Variants in PATJ observed in about 807,000 individuals in gnomAD.
PATJ encodes the protein PATJ crumbs cell polarity complex component, also known as inaD-like protein.
A neutral mutation model predicts 224.9 loss-of-function variants in PATJ; 190 were observed. The ratio of observed to expected loss-of-function variants is 0.84; its 90% CI spans 0.75 to 0.95. The LOEUF (loss-of-function observed/expected upper bound fraction) is 0.95, where lower values mean the gene tolerates loss of function less well. Among genes scored for constraint, PATJ ranks in the 40% least tolerant of loss-of-function variants. The pLI is 0.00. For missense variants in PATJ, 2,121 were observed against 2,270.3 expected, an observed-to-expected ratio of 0.93 and a Z score of 1.34; for synonymous variants, 769 against 820.3, an observed-to-expected ratio of 0.94 and a Z score of 1.07.
At chr1:61,760,289 C>T (rs964226173) in intron 1 of PATJ, among the ~76,000 whole-genome samples, 10 of 152,156 alleles carry the variant, frequency 6.6e-5, no homozygotes, top group African/African-American at 1.4e-4. Flanking sequence ...CAATGGCATC[C>T]GTTATTGGTT....
At chr1:61,768,911 AT>A (rs1335559241) in intron 4 of PATJ, among the ~76,000 whole-genome samples, 1 of 152,096 alleles carries the variant, frequency 6.6e-6, no homozygotes, top group Non-Finnish European at 1.5e-5. Flanking sequence ...AAGAAAAAAA[AT>A]AAAATAAAAA....
At chr1:61,885,664 A>G (rs1358363857) in intron 22 of PATJ, among the ~76,000 whole-genome samples, 2 of 152,144 alleles carry the variant, frequency 1.3e-5, no homozygotes, top group Non-Finnish European at 2.9e-5. Context: ...TGACCCAGCC[A>G]TCCCATTACT....
chr1:61,809,589 G>A (rs929533180), intron 14 of PATJ, among the ~76,000 whole-genome samples: 2 of 151,808 alleles, frequency 1.3e-5, no homozygotes, highest in Admixed American at 6.6e-5. Context: ...GTTTCTCCCT[G>A]TTGGTCACGC....
chr1:62,050,499 C>T (rs191355412), intron 30 of PATJ, among the ~76,000 whole-genome samples: 4 of 152,282 alleles, frequency 2.6e-5, no homozygotes, highest in East Asian at 1.9e-4. Flanking sequence ...TGTCATGGGA[C>T]GGTCGTCCAT....
chr1:62,031,516 A>G (rs1649288784), intron 29 of PATJ, among the ~76,000 whole-genome samples: 1 of 152,274 alleles, frequency 6.6e-6, no homozygotes, highest in Non-Finnish European at 1.5e-5. Flanking sequence ...GAGCAGACTT[A>G]GAACCTTGCA....
chr1:61,902,226 GAA>G lies in PATJ; in HGVS notation c.3381+779_3381+780del, dbSNP rs68061861. On this transcript the variant is annotated intron_variant, in intron 24 of 43. Coordinates refer to ENST00000642238, the MANE Select transcript of PATJ (RefSeq NM_001350145.3). ...GAACGACACTCTTGTCTCAAAGCAG[GAA>G]AAAAAAAAAAAGGCATATTAAACCA... is the stretch of plus-strand genomic sequence containing the variant. Among the ~76,000 whole-genome samples the G allele has an allele frequency of 7.6e-3, 1,092 of 143,822 alleles. 2 individuals are homozygous for G. Among genetic ancestry groups the G allele is most frequent in the Non-Finnish European group, 0.011 (725 of 66,284 alleles). 94.4% of individuals were successfully genotyped at this position (143,822 alleles called of 152,430 possible). A position where few individuals can be genotyped will look rare whatever the true frequency, so the allele number is the denominator to read the frequency against.
chr1:62,112,481 G>A (rs1327194904), intron 34 of PATJ, among the ~76,000 whole-genome samples: 1 of 152,106 alleles, frequency 6.6e-6, no homozygotes, highest in African/African-American at 2.4e-5. Context: ...ACTCCAGCCT[G>A]GGTGACAGAG....
intron 25 of PATJ, among the ~76,000 whole-genome samples, chr1:61,912,358 C>G (rs564174327): frequency 6.6e-6 from 1 of 152,122 alleles, no homozygotes; most frequent in Admixed American, 6.5e-5. Flanking sequence ...CTTTCGGAGG[C>G]TGAGGTGAGA....
intron 1 of PATJ, among the ~76,000 whole-genome samples, chr1:61,756,983 A>G (rs1645682950): frequency 1.3e-5 from 2 of 151,022 alleles, no homozygotes; most frequent in African/African-American, 4.9e-5. Context: ...CGTGGTACAT[A>G]CCTCTGCTCT....
chr1:61,843,696 G>T (rs572431569), intron 17 of PATJ, among the ~76,000 whole-genome samples: 8 of 150,710 alleles, frequency 5.3e-5, no homozygotes, highest in Admixed American at 4.6e-4. Context: ...CTTCAGCCTG[G>T]GTGACAGAGT....
At position 62,010,576 on chromosome 1, in the gene PATJ, C is replaced by T. The variant is rs1270136996; in HGVS notation, c.3868-7280C>T. On this transcript the variant is annotated intron_variant, in intron 28 of 43. Transcript: ENST00000642238. ...GGTATATTTCACTTCACATAATGGC[C>T]TCCAGTTCCATCCATATTATTGCAA... is the stretch of plus-strand genomic sequence containing the variant. Among the ~76,000 whole-genome samples, 9 of 152,198 alleles carry T rather than the reference C, an allele frequency of 5.9e-5. No homozygotes were observed. The East Asian group carries it at 1.4e-3, about 23-fold the overall frequency.
At chr1:62,003,975 C>T (rs1645946994) in intron 28 of PATJ, among the ~76,000 whole-genome samples, 1 of 152,164 alleles carries the variant, frequency 6.6e-6, no homozygotes, top group Non-Finnish European at 1.5e-5. Flanking sequence ...ACCTGCGTGC[C>T]TTTCATATGC....
intron 25 of PATJ, among the ~76,000 whole-genome samples, chr1:61,910,667 C>G (rs559873874): frequency 1.3e-5 from 2 of 149,080 alleles, no homozygotes; most frequent in Non-Finnish European, 1.5e-5. Context: ...CCAGTTCAGC[C>G]TCCCAAGTGG....
intron 22 of PATJ, among the ~76,000 whole-genome samples, chr1:61,891,413 T>C (rs559584863): frequency 2.6e-5 from 4 of 152,108 alleles, no homozygotes; most frequent in East Asian, 1.9e-4. Context: ...CAGGAGGAGA[T>C]GGAAGAAAAG....
In PATJ at chr1:61,960,478, A is replaced by G. The variant is rs6677021; in HGVS notation, c.3671-29690A>G. On this transcript the variant is annotated intron_variant, in intron 27 of 43. Coordinates refer to ENST00000642238, the MANE Select transcript of PATJ (RefSeq NM_001350145.3). ...GGAGTTCGAGACCAGCCTGGCCAAC[A>G]TGGTGAAACCCCGTCTCTACTAAAA... 3.6e-3 allele frequency among the ~76,000 whole-genome samples: 551 copies of G among 152,162 alleles called. 4 individuals carry two copies. The highest frequency in any genetic ancestry group is 0.012 in the African/African-American group (517 of 41,506).
intron 31 of PATJ, among the ~76,000 whole-genome samples, chr1:62,066,411 TCACA>T (rs1656438790): frequency 6.7e-6 from 1 of 149,204 alleles, no homozygotes; most frequent in African/African-American, 2.5e-5. Flanking sequence ...TGAGACAGGG[TCACA>T]CTCTGTCGCC....
At chr1:61,904,094 C>T (rs187810039) in intron 24 of PATJ, among the ~76,000 whole-genome samples, 3 of 152,068 alleles carry the variant, frequency 2.0e-5, no homozygotes, top group African/African-American at 4.8e-5. Flanking sequence ...TTTTTTCATT[C>T]CTTCTTTTCC....
At chr1:61,902,145 C>T (rs1376387138) in intron 24 of PATJ, among the ~76,000 whole-genome samples, 3 of 151,770 alleles carry the variant, frequency 2.0e-5, no homozygotes, top group Non-Finnish European at 4.4e-5. Context: ...CGCTGGAACC[C>T]TGGAGGTGGG....
intron 17 of PATJ, among the ~76,000 whole-genome samples, chr1:61,836,235 C>G (rs1017877923): frequency 1.3e-5 from 2 of 152,096 alleles, no homozygotes; most frequent in Non-Finnish European, 2.9e-5. Context: ...ATTGTAACTT[C>G]TATTGTTTCT....
Sources: gnomAD v4.1 joint callset for allele counts (sites outside exome capture counted in the v4.1 genomes callset) on GRCh38, gnomAD v4.1.1 for gene constraint, MANE v1.5 for transcripts, NCBI Gene and HGNC (gene_info 2026-07-23, HGNC 2026-07-21) for gene names.